The following JAKMIP2 variants were observed in gnomAD, a reference collection of about 807,000 sequenced individuals.
JAKMIP2 encodes janus kinase and microtubule interacting protein 2.
A neutral mutation model predicts 115.0 loss-of-function variants in JAKMIP2; 25 were observed. The ratio of observed to expected loss-of-function variants is 0.22; its 90% CI spans 0.16 to 0.30. The LOEUF (loss-of-function observed/expected upper bound fraction) is 0.30. Among genes scored for constraint, JAKMIP2 ranks in the 10% least tolerant of loss-of-function variants. The pLI, the probability that JAKMIP2 is intolerant of heterozygous loss-of-function variation, is 1.00. For missense variants in JAKMIP2, 642 were observed against 957.6 expected, an observed-to-expected ratio of 0.67 and a Z score of 4.35; for synonymous variants, 334 against 343.6, an observed-to-expected ratio of 0.97 and a Z score of 0.31.
Position 147,775,138 on chromosome 5 carries a change from T to C in JAKMIP2, c.-149+7318A>G, listed in dbSNP as rs954920543. On this transcript the variant is annotated intron_variant, in intron 1 of 21. Transcript: ENST00000616793. ...AGCGTATCAGCAGGTTAGACACCCG[T>C]AGAAATCACTGTCCTCAGTGGTTCA... 1.6e-4 allele frequency among the ~76,000 whole-genome samples: 25 copies of C among 152,272 alleles called. 1 individual carries two copies. Among genetic ancestry groups the C allele is most frequent in the African/African-American group, 6.0e-4 (25 of 41,560 alleles).
At chr5:147,713,073 ATAACGT>A (rs1752843038) in intron 1 of JAKMIP2, among the ~76,000 whole-genome samples, 1 of 152,220 alleles carries the variant, frequency 6.6e-6, no homozygotes, top group African/African-American at 2.4e-5. Flanking sequence ...CTGAATATTA[ATAACGT>A]ATTGTGTAAA....
At chr5:147,741,721 A>G (rs1319760870) in intron 1 of JAKMIP2, among the ~76,000 whole-genome samples, 2 of 152,176 alleles carry the variant, frequency 1.3e-5, no homozygotes, top group Non-Finnish European at 2.9e-5. Flanking sequence ...TTCTAGCTCT[A>G]GGGAAAGCCT....
At chr5:147,593,081 A>T (rs552836760) in intron 21 of JAKMIP2, among the ~76,000 whole-genome samples, 13 of 152,328 alleles carry the variant, frequency 8.5e-5, no homozygotes, top group African/African-American at 3.1e-4. Flanking sequence ...TCAGACATAG[A>T]CTTTCTCATC....
intron 19 of JAKMIP2, among the ~76,000 whole-genome samples, chr5:147,612,849 T>A (rs966962776): frequency 1.3e-5 from 2 of 152,272 alleles, no homozygotes; most frequent in Non-Finnish European, 2.9e-5. Flanking sequence ...TTAAAGATGG[T>A]TGAGGCTGAC....
At chr5:147,716,001 C>G (rs1423384348) in intron 1 of JAKMIP2, among the ~76,000 whole-genome samples, 8 of 113,794 alleles carry the variant, frequency 7.0e-5, no homozygotes, top group Middle Eastern at 4.2e-3. Flanking sequence ...CCCCTCCCCC[C>G]ACCCCACAAC....
intron 3 of JAKMIP2, among the ~76,000 whole-genome samples, chr5:147,659,630 A>T (rs898232659): frequency 6.6e-5 from 10 of 152,232 alleles, no homozygotes; most frequent in African/African-American, 2.4e-4. Context: ...AAATGAAAAT[A>T]TTTAATGCAA....
intron 5 of JAKMIP2, among the ~76,000 whole-genome samples, chr5:147,647,956 A>G (rs567434963): frequency 2.1e-4 from 32 of 152,358 alleles, no homozygotes; most frequent in Non-Finnish European, 4.0e-4. Flanking sequence ...TGAATACTAT[A>G]GAGAAATGAA....
At chr5:147,665,256 T>A (rs1759236521) in intron 2 of JAKMIP2, among the ~76,000 whole-genome samples, 1 of 152,226 alleles carries the variant, frequency 6.6e-6, no homozygotes, top group Non-Finnish European at 1.5e-5. Context: ...GTTGAGTAGT[T>A]TCACAGAGAC....
In JAKMIP2 at chr5:147,591,263, T is replaced by C. The variant is rs1755084955; in HGVS notation, c.*444A>G. On this transcript the variant is annotated 3_prime_UTR_variant, in exon 22 of 22. Coordinates refer to ENST00000616793, the MANE Select transcript of JAKMIP2 (RefSeq NM_001270941.2). ...TTTGATCTTTTAAAATGATGTTTAT[T>C]ATCAGGACTAGTGTTTCCATGGGGT... 6.0e-6 allele frequency: 1 copy of C among 165,684 alleles called. No individual in the cohort carries two copies. The highest frequency in any genetic ancestry group is 2.4e-5 in the African/African-American group (1 of 41,920). 10.3% of individuals were successfully genotyped at this position (165,684 alleles called of 1,614,324 possible).
chr5:147,654,724 C>T (rs569705087), intron 3 of JAKMIP2, among the ~76,000 whole-genome samples: 5 of 152,248 alleles, frequency 3.3e-5, no homozygotes, highest in Admixed American at 2.0e-4. Flanking sequence ...TGCCTGATTA[C>T]CCTGGCCAGA....
chr5:147,774,795 G>A (rs1197081829), intron 1 of JAKMIP2, among the ~76,000 whole-genome samples: 1 of 152,048 alleles, frequency 6.6e-6, no homozygotes, highest in Non-Finnish European at 1.5e-5. Flanking sequence ...TTTTACTGTG[G>A]TTATAAGCAT....
chr5:147,618,030 G>C lies in JAKMIP2; in HGVS notation c.2227C>G (p.Gln743Glu). The C allele has an allele frequency of 1.9e-6, 3 of 1,614,064 alleles. No individual in the cohort carries two copies. The highest frequency in any genetic ancestry group is 2.5e-6 in the Non-Finnish European group (3 of 1,179,952). ...IKFGELLSEK[Q>E]QEELRTAVEK... ...ACTGCCGTCCTCAGCTCCTCTTGCT[G>C]TTTTTCACTTAATAATTCACCAAAC... Residue 743 changes from glutamine (Q) to glutamate (E), a missense_variant, in exon 19 of 22, where the codon CAG becomes GAG. Transcript: ENST00000616793.
At chr5:147,649,467 C>T (rs1272387096) in intron 4 of JAKMIP2, among the ~76,000 whole-genome samples, 2 of 151,984 alleles carry the variant, frequency 1.3e-5, no homozygotes, top group Non-Finnish European at 2.9e-5. Flanking sequence ...AAGTGGTTTG[C>T]CTAAGGACAC....
intron 1 of JAKMIP2, among the ~76,000 whole-genome samples, chr5:147,683,104 C>T (rs1026943291): frequency 3.3e-5 from 5 of 152,190 alleles, no homozygotes; most frequent in Non-Finnish European, 7.3e-5. Context: ...GAGCGGGAAG[C>T]AATTATGTAT....
At chr5:147,687,222 T>C (rs1185331668) in intron 1 of JAKMIP2, among the ~76,000 whole-genome samples, 1 of 152,250 alleles carries the variant, frequency 6.6e-6, no homozygotes, top group East Asian at 1.9e-4. Flanking sequence ...ACTGTGCAAA[T>C]CTATTTACAT....
intron 1 of JAKMIP2, among the ~76,000 whole-genome samples, chr5:147,736,034 C>G (rs1381863639): frequency 6.6e-6 from 1 of 152,160 alleles, no homozygotes; most frequent in Admixed American, 6.5e-5. Flanking sequence ...AGGCAATGCC[C>G]ATAAATCAAC....
chr5:147,719,118 T>C (rs1449394701), intron 1 of JAKMIP2, among the ~76,000 whole-genome samples: 1 of 134,420 alleles, frequency 7.4e-6, no homozygotes, highest in African/African-American at 3.0e-5. Flanking sequence ...CAGTAGTCAT[T>C]CAGGAGCAGG....
chr5:147,720,879 C>T (rs1753247413), intron 1 of JAKMIP2, among the ~76,000 whole-genome samples: 1 of 152,214 alleles, frequency 6.6e-6, no homozygotes, highest in Non-Finnish European at 1.5e-5. Flanking sequence ...CAGCTTTGTT[C>T]CATTGCTGGT....
intron 3 of JAKMIP2, among the ~76,000 whole-genome samples, chr5:147,651,049 G>C (rs1448889627): frequency 6.6e-6 from 1 of 152,068 alleles, no homozygotes; most frequent in Non-Finnish European, 1.5e-5. Context: ...ATTTTTCCAA[G>C]ACTAACATGC....
Sources: gnomAD v4.1 joint callset for allele counts (sites outside exome capture counted in the v4.1 genomes callset) on GRCh38, gnomAD v4.1.1 for gene constraint, MANE v1.5 for transcripts, NCBI Gene and HGNC (gene_info 2026-07-23, HGNC 2026-07-21) for gene names.